DGKI: variants seen among roughly 807,000 people sequenced by gnomAD.
The protein encoded by DGKI is diacylglycerol kinase iota, also known as DAG kinase iota.
DGKI carries 55 observed loss-of-function variants against 147.5 expected under a neutral mutation model. The ratio of observed to expected loss-of-function variants is 0.37; its 90% CI spans 0.30 to 0.47. DGKI has a LOEUF of 0.47. Among genes scored for constraint, DGKI ranks in the 20% least tolerant of loss-of-function variants. The probability of loss-of-function intolerance (pLI) is 1.00; values close to 1 mark genes in which losing one functional copy is unlikely to be tolerated. For missense variants in DGKI, 1,007 were observed against 1,323.8 expected (o/e 0.76, Z 3.71); for synonymous variants, 469 against 477.1 (o/e 0.98, Z 0.22).
intron 5 of DGKI, among the ~76,000 whole-genome samples, chr7:137,652,695 T>C (rs571206925): frequency 9.8e-4 from 132 of 135,014 alleles, no homozygotes; most frequent in African/African-American, 5.2e-3. Context: ...GGGACAACTA[T>C]GTTTTCTCTT....
chr7:137,658,064 T>G (rs1563135987), intron 3 of DGKI, among the ~76,000 whole-genome samples: 1 of 152,148 alleles, frequency 6.6e-6, no homozygotes, highest in Non-Finnish European at 1.5e-5. Flanking sequence ...GTGTAGCACA[T>G]GAAATACATT....
chr7:137,600,030 T>C, intron 10 of DGKI, 125 bp from the exon 11 acceptor site: 3 of 805,814 alleles, frequency 3.7e-6, no homozygotes, highest in Middle Eastern at 3.4e-4. Flanking sequence ...ACGCCTGTAA[T>C]CCCAGCACCT....
At chr7:137,553,797 AGAG>A (rs1818131225) in intron 19 of DGKI, among the ~76,000 whole-genome samples, 1 of 152,226 alleles carries the variant, frequency 6.6e-6, no homozygotes, top group Non-Finnish European at 1.5e-5. Context: ...GCAAGAAAGC[AGAG>A]GAGAATGATG....
At chr7:137,693,291 A>T (rs1296768172) in intron 1 of DGKI, among the ~76,000 whole-genome samples, 3 of 152,118 alleles carry the variant, frequency 2.0e-5, no homozygotes, top group Non-Finnish European at 4.4e-5. Context: ...TTCTGCTCAG[A>T]ATCCTCTCAA....
chr7:137,415,343 T>G (rs1812319642), intron 28 of DGKI, among the ~76,000 whole-genome samples: 1 of 152,210 alleles, frequency 6.6e-6, no homozygotes, highest in Non-Finnish European at 1.5e-5. Flanking sequence ...ATATAGCATT[T>G]GCATTAGATT....
intron 27 of DGKI, among the ~76,000 whole-genome samples, chr7:137,448,275 G>A (rs1390656352): frequency 2.4e-5 from 3 of 122,836 alleles, no homozygotes; most frequent in South Asian, 2.8e-4. Flanking sequence ...CACTAAGACC[G>A]ACCATCCATC....
chr7:137,655,350 C>T (rs2116248195), intron 4 of DGKI, among the ~76,000 whole-genome samples: 1 of 152,228 alleles, frequency 6.6e-6, no homozygotes, highest in South Asian at 2.1e-4. Flanking sequence ...AGGTGCGTGC[C>T]ACCACATCTG....
rs146225253 is a variant in DGKI, at chr7:137,498,587, G to C, written c.2249-10898C>G. ...AAGGATTAAAATTTGGAATGTTTTT[G>C]AACTTCTCAAAGGCAACCATACAGT... On this transcript the variant is annotated intron_variant, in intron 21 of 32. Coordinates refer to ENST00000614521, the MANE Select transcript of DGKI (RefSeq NM_001321708.2). 3.9e-5 allele frequency among the ~76,000 whole-genome samples: 6 copies of C among 152,124 alleles called. No homozygotes were observed. The East Asian group carries it at 9.7e-4, about 24-fold the overall frequency.
chr7:137,681,593 C>G (rs989410488), intron 2 of DGKI, among the ~76,000 whole-genome samples: 8 of 152,294 alleles, frequency 5.3e-5, no homozygotes, highest in Admixed American at 3.3e-4. Context: ...TGGTGCCAGG[C>G]ACTGAGATTC....
At chr7:137,775,843 G>A (rs1245040062) in intron 1 of DGKI, among the ~76,000 whole-genome samples, 1 of 152,096 alleles carries the variant, frequency 6.6e-6, no homozygotes, top group South Asian at 2.1e-4. Flanking sequence ...AGGGAAAGAT[G>A]TCAAAAGTAT....
chr7:137,443,048 T>C (rs139267567), intron 28 of DGKI, among the ~76,000 whole-genome samples: 82 of 152,202 alleles, frequency 5.4e-4, no homozygotes, highest in African/African-American at 1.9e-3. Flanking sequence ...GCAGAAAAGA[T>C]GGTGAGCTCC....
intron 3 of DGKI, among the ~76,000 whole-genome samples, chr7:137,658,339 G>A (rs1223277372): frequency 6.6e-6 from 1 of 152,188 alleles, no homozygotes; most frequent in Non-Finnish European, 1.5e-5. Flanking sequence ...ATATCCTGGT[G>A]CGAATCACTG....
At chr7:137,699,102 G>A (rs997014667) in intron 1 of DGKI, among the ~76,000 whole-genome samples, 13 of 152,200 alleles carry the variant, frequency 8.5e-5, no homozygotes, top group South Asian at 4.1e-4. Context: ...TTCAATGTCC[G>A]GTGAGGGTCT....
In DGKI at chr7:137,581,775, C is replaced by T. The variant is rs919571877; in HGVS notation, c.1642+75G>A. The T allele has an allele frequency of 5.4e-6, 7 of 1,300,434 alleles. No individual in the cohort carries two copies. In the African/African-American group the frequency reaches 1.0e-4, roughly 19 times the overall value. The allele number at this position is 1,300,434 out of a possible 1,614,324, so 80.6% of individuals were successfully genotyped here. On this transcript the variant is annotated intron_variant, in intron 15 of 32. Transcript: ENST00000614521. ...ACACTGTAAACGCGTAAGTGATATA[C>T]AAACAAAAGGGAACATGCAAAACAC...
At chr7:137,601,736 A>T (rs1819998730) in intron 10 of DGKI, among the ~76,000 whole-genome samples, 1 of 152,202 alleles carries the variant, frequency 6.6e-6, no homozygotes, top group Admixed American at 6.5e-5. Flanking sequence ...CAGTTAATCT[A>T]CTCATTAAAT....
At chr7:137,462,051 G>T (rs911771162) in intron 27 of DGKI, among the ~76,000 whole-genome samples, 19 of 151,740 alleles carry the variant, frequency 1.3e-4, no homozygotes, top group African/African-American at 4.6e-4. Flanking sequence ...GAAAAATCAG[G>T]ACCTAGAAAA....
intron 1 of DGKI, among the ~76,000 whole-genome samples, chr7:137,828,827 A>G (rs1798138047): frequency 1.3e-5 from 2 of 152,200 alleles, no homozygotes; most frequent in South Asian, 2.1e-4. Context: ...ATGCCTCCCA[A>G]GTGAATTTAC....
chr7:137,606,035 A>G (rs918429629), intron 10 of DGKI, among the ~76,000 whole-genome samples: 2 of 152,248 alleles, frequency 1.3e-5, no homozygotes, highest in Admixed American at 6.5e-5. Flanking sequence ...CTCATTATAC[A>G]TGCCATAAAT....
intron 6 of DGKI, among the ~76,000 whole-genome samples, chr7:137,632,624 C>T (rs963524754): frequency 6.6e-6 from 1 of 152,006 alleles, no homozygotes; most frequent in Non-Finnish European, 1.5e-5. Context: ...TTTGGGAGGC[C>T]AAGGCGGGCA....
Sources: gnomAD v4.1 joint callset for allele counts (sites outside exome capture counted in the v4.1 genomes callset) on GRCh38, gnomAD v4.1.1 for gene constraint, MANE v1.5 for transcripts, NCBI Gene and HGNC (gene_info 2026-07-23, HGNC 2026-07-21) for gene names.